Variants in DNAH14 observed in about 807,000 individuals in gnomAD.
DNAH14 encodes axonemal beta dynein heavy chain 14.
DNAH14 carries 478 observed loss-of-function variants against 520.9 expected under a neutral mutation model. The ratio of observed to expected loss-of-function variants is 0.92; its 90% confidence interval spans 0.85 to 0.99. The LOEUF (loss-of-function observed/expected upper bound fraction) is 0.99, where lower values mean the gene tolerates loss of function less well. Ranked by LOEUF, DNAH14 falls within the 50% of genes least tolerant of loss-of-function variation. DNAH14 has a pLI of 0.00. For missense variants in DNAH14, 4,831 were observed against 5,234.5 expected, an observed-to-expected ratio of 0.92 and a Z score of 2.38; for synonymous variants, 1,581 against 1,757.2, an observed-to-expected ratio of 0.90 and a Z score of 2.51.
intron 38 of DNAH14, among the ~76,000 whole-genome samples, chr1:225,198,610 T>A (rs1478360550): frequency 6.6e-6 from 1 of 152,186 alleles, no homozygotes; most frequent in Non-Finnish European, 1.5e-5. Context: ...GATCTTGTGA[T>A]TTTTGTTTTT....
At position 225,240,691 on chromosome 1, in the gene DNAH14, C is replaced by G; in HGVS notation, c.6617C>G (p.Ala2206Gly). 1 of 1,551,026 alleles carries G rather than the reference C, an allele frequency of 6.4e-7. No individual in the cohort carries two copies. The highest frequency in any genetic ancestry group is 1.2e-5 in the South Asian group (1 of 84,022). ...VFAFTWAFGG[A>G]LNREDEHREN... ...GCCTTTACTTGGGCATTTGGAGGAG[C>G]TTTAAACCGTGAAGATGAACACAGA... Residue 2206 changes from alanine to glycine, a missense_variant, in exon 43 of 86, where the codon GCT becomes GGT. Physicochemically the swap from Ala to Gly is moderately conservative, Grantham distance 60 (BLOSUM62 0). Coordinates refer to ENST00000682510, the MANE Select transcript of DNAH14 (RefSeq NM_001367479.1).
At chr1:224,963,371 C>G (rs1423686479) in intron 4 of DNAH14, among the ~76,000 whole-genome samples, 3 of 151,906 alleles carry the variant, frequency 2.0e-5, no homozygotes, top group African/African-American at 7.2e-5. Context: ...ACATATTCTC[C>G]CATATTTTCT....
In DNAH14 at chr1:225,380,335, C is replaced by A; in HGVS notation, c.12880+13C>A. The stretch of plus-strand genomic sequence containing the variant: ...AAAAATCTCAAAGGTGAGCATGGGA[C>A]AGGAGCTTTTTCCCCTTACCTCACT... On this transcript the variant is annotated intron_variant, in intron 80 of 85. Coordinates refer to ENST00000682510, the MANE Select transcript of DNAH14 (RefSeq NM_001367479.1). The A allele has an allele frequency of 6.5e-7, 1 of 1,545,708 alleles. No individual in the cohort carries two copies. The highest frequency in any genetic ancestry group is 8.7e-7 in the Non-Finnish European group (1 of 1,144,054).
intron 21 of DNAH14, among the ~76,000 whole-genome samples, chr1:225,096,100 G>A (rs1053322114): frequency 6.6e-6 from 1 of 151,988 alleles, no homozygotes; most frequent in African/African-American, 2.4e-5. Flanking sequence ...CGGAGTATCT[G>A]GGATTACCGG....
rs754815950 is a variant in DNAH14 at position 225,399,061 on chromosome 1, C to T, written c.13646C>T (p.Thr4549Ile). ...DIYFLPTKIS[T>I]KTPNASNQTD... ...TTTTTTTTTTTTTTAAAGATTTCTA[C>T]CAAAACACCAAATGCTTCCAACCAG... Residue 4549 changes from threonine to isoleucine, a missense_variant, in exon 86 of 86, where the codon ACC (threonine) becomes ATC (isoleucine). Coordinates refer to ENST00000682510, the MANE Select transcript of DNAH14 (RefSeq NM_001367479.1). 159 of 1,539,564 alleles carry T rather than the reference C, an allele frequency of 1.0e-4. 1 individual carries two copies. The highest frequency in any genetic ancestry group is 3.4e-4 in the Middle Eastern group (2 of 5,936).
At chr1:225,335,284 T>TATGCACATATACACATGTGTAC (rs2094920752) in intron 66 of DNAH14, among the ~76,000 whole-genome samples, 2 of 141,692 alleles carry the variant, frequency 1.4e-5, no homozygotes, top group East Asian at 4.4e-4. Context: ...ATTGTGTGTA[T>TATGCACATATACACATGTGTAC]ATGCACATAT....
At chr1:225,112,054 C>A (rs79244146) in intron 23 of DNAH14, among the ~76,000 whole-genome samples, 8,769 of 152,024 alleles carry the variant, frequency 0.058, 347 homozygotes, top group Non-Finnish European at 0.078. Flanking sequence ...AGCCTTTCTA[C>A]TTAAGATATG....
intron 36 of DNAH14, among the ~76,000 whole-genome samples, chr1:225,175,830 C>T (rs758106885): frequency 1.3e-5 from 2 of 150,996 alleles, no homozygotes; most frequent in Non-Finnish European, 2.9e-5. Context: ...TTTTATTTTC[C>T]TGCACAAGCT....
chr1:225,310,668 A>G (rs2094345708), intron 60 of DNAH14, among the ~76,000 whole-genome samples: 2 of 151,606 alleles, frequency 1.3e-5, no homozygotes, highest in Admixed American at 6.6e-5. Context: ...TCATTGTTCA[A>G]CTCCCATTTA....
intron 11 of DNAH14, among the ~76,000 whole-genome samples, chr1:225,032,154 G>T (rs1424351650): frequency 6.6e-6 from 1 of 151,834 alleles, no homozygotes. Context: ...ATGGGGGTTT[G>T]TTGTACATAT....
At chr1:224,993,247 C>A (rs2063175581) in intron 8 of DNAH14, among the ~76,000 whole-genome samples, 1 of 151,944 alleles carries the variant, frequency 6.6e-6, no homozygotes, top group African/African-American at 2.4e-5. Flanking sequence ...CATTCTCTTT[C>A]CAATTTTTGG....
At chr1:224,967,362 C>A in intron 5 of DNAH14, 69 bp from the exon 6 acceptor site, 1 of 1,127,762 alleles carries the variant, frequency 8.9e-7, no homozygotes, top group Non-Finnish European at 1.2e-6. Flanking sequence ...ATCTGTTCAC[C>A]CATTGTATTA....
At chr1:225,236,815 T>G (rs1356086651) in intron 42 of DNAH14, among the ~76,000 whole-genome samples, 1 of 152,188 alleles carries the variant, frequency 6.6e-6, no homozygotes, top group African/African-American at 2.4e-5. Flanking sequence ...TAGAAGGTTT[T>G]TCCATTTGTT....
rs530668811 is a variant in DNAH14, at chr1:225,206,108, G to A, written c.6115G>A (p.Val2039Met). The A allele has an allele frequency of 6.4e-7, 1 of 1,551,474 alleles. No individual in the cohort carries two copies. The highest frequency in any genetic ancestry group is 1.2e-5 in the South Asian group (1 of 84,052). The change falls in exon 40 of 86, where the codon GTG becomes ATG. Residue 2039 changes from valine (V) to methionine (M), a missense_variant. Transcript: ENST00000682510. ...AATAGCTTTAACTAATAAAATAAGA[G>A]TGATTTTTGAAGTGGACAATCTCTC... ...ERIALTNKIRVIFEVDNLSQA... is the reference protein window; with the variant it reads ...ERIALTNKIRMIFEVDNLSQA...
chr1:225,324,935 A>G, intron 64 of DNAH14, 103 bp downstream of exon 64: 5 of 692,792 alleles, frequency 7.2e-6, no homozygotes, highest in Non-Finnish European at 1.1e-5. Flanking sequence ...ATAATAATAT[A>G]GGTAGTGAAA....
chr1:224,959,359 AT>A (rs1337418680), intron 3 of DNAH14, among the ~76,000 whole-genome samples: 1 of 152,040 alleles, frequency 6.6e-6, no homozygotes, highest in African/African-American at 2.4e-5. Context: ...TGGTCTCCTG[AT>A]TATACAAGTG....
intron 3 of DNAH14, among the ~76,000 whole-genome samples, chr1:224,955,302 A>G (rs1447059804): frequency 2.0e-5 from 3 of 152,212 alleles, no homozygotes; most frequent in Non-Finnish European, 4.4e-5. Flanking sequence ...AAAGTAACGA[A>G]TATTACTAAT....
Position 225,252,361 on chromosome 1 carries a change from G to A in DNAH14, c.6809G>A (p.Cys2270Tyr), listed in dbSNP as rs1420300980. ...IFGYFVDIEQ[C>Y]EFIPWSDLVP... is the part of the protein sequence containing the mutation. ...GGATATTTTGTGGATATAGAGCAAT[G>A]TGAATTCATACCTTGGTCAGATTTA... The change falls in exon 44 of 86, where the codon TGT becomes TAT. Residue 2270 changes from cysteine (C) to tyrosine (Y), a missense_variant. Coordinates refer to ENST00000682510, the MANE Select transcript of DNAH14 (RefSeq NM_001367479.1). 1.3e-6 allele frequency: 2 copies of A among 1,549,990 alleles called. No individual in the cohort carries two copies. The highest frequency in any genetic ancestry group is 8.7e-7 in the Non-Finnish European group (1 of 1,146,024).
intron 60 of DNAH14, among the ~76,000 whole-genome samples, chr1:225,312,389 A>T (rs1480961632): frequency 6.6e-6 from 1 of 152,130 alleles, no homozygotes; most frequent in Admixed American, 6.5e-5. Context: ...GTCATCTGCA[A>T]ACAGAGACAA....
Sources: allele counts gnomAD v4.1 joint callset (sites outside exome capture counted in the v4.1 genomes callset), GRCh38; gene constraint gnomAD v4.1.1; transcripts MANE v1.5; gene names NCBI Gene and HGNC (gene_info 2026-07-23, HGNC 2026-07-21).